The following PLSCR2 variants were observed in gnomAD, a reference collection of about 807,000 sequenced individuals.
The protein encoded by PLSCR2 is phospholipid scramblase 2, also known as PL scramblase 2.
PLSCR2 carries 18 observed loss-of-function variants against 25.3 expected under a neutral mutation model. The observed-to-expected ratio is 0.71, with a 90% CI of 0.49 to 1.06. The LOEUF (loss-of-function observed/expected upper bound fraction) is 1.06, where lower values mean the gene tolerates loss of function less well. Ranked by LOEUF, PLSCR2 falls within the 50% of genes least tolerant of loss-of-function variation. PLSCR2 has a pLI of 0.00. For missense variants in PLSCR2, 243 were observed against 269.5 expected (o/e 0.90, Z 0.69); for synonymous variants, 88 against 87.3 (o/e 1.01, Z -0.04).
At chr3:146,444,945 G>C (rs1171723021) in intron 6 of PLSCR2, among the ~76,000 whole-genome samples, 2 of 151,872 alleles carry the variant, frequency 1.3e-5, no homozygotes, top group Non-Finnish European at 2.9e-5. Flanking sequence ...TTTGATTTAA[G>C]ATTACTCTGA....
intron 1 of PLSCR2, among the ~76,000 whole-genome samples, chr3:146,487,056 G>A (rs1050642998): frequency 1.3e-5 from 2 of 152,012 alleles, no homozygotes; most frequent in Non-Finnish European, 2.9e-5. Context: ...CAGAACTAAT[G>A]ACAAAACCTA....
chr3:146,492,262 G>A (rs1019108802), intron 1 of PLSCR2, among the ~76,000 whole-genome samples: 2 of 152,130 alleles, frequency 1.3e-5, no homozygotes, highest in African/African-American at 2.4e-5. Context: ...GAAAACTAAT[G>A]AAGCTATTCA....
At chr3:146,430,792 C>A (rs374691019), downstream of PLSCR2, among the ~76,000 whole-genome samples, 47 of 151,096 alleles carry the variant, frequency 3.1e-4, no homozygotes, top group East Asian at 6.3e-3. Context: ...CAGGTCCAGG[C>A]AGTCACATCT....
intron 1 of PLSCR2, among the ~76,000 whole-genome samples, chr3:146,486,885 T>A (rs1359666070): frequency 6.6e-6 from 1 of 152,126 alleles, no homozygotes; most frequent in Admixed American, 6.6e-5. Flanking sequence ...CAGGCAAATA[T>A]TCCTGATGAA....
intron 5 of PLSCR2, among the ~76,000 whole-genome samples, chr3:146,451,189 A>G (rs1369863117): frequency 7.5e-6 from 1 of 134,054 alleles, no homozygotes; most frequent in Non-Finnish European, 1.5e-5. Flanking sequence ...ATCTCCGCTC[A>G]CTGCAACCTC....
intron 6 of PLSCR2, among the ~76,000 whole-genome samples, chr3:146,448,833 G>T (rs1426996983): frequency 6.6e-6 from 1 of 152,174 alleles, no homozygotes; most frequent in Non-Finnish European, 1.5e-5. Context: ...CATGTTAGAT[G>T]TTTTAATTTA....
In PLSCR2 at chr3:146,454,704, T is replaced by C. The variant is rs569814440; in HGVS notation, c.321+535A>G. 5.3e-5 allele frequency among the ~76,000 whole-genome samples: 8 copies of C among 152,282 alleles called. 1 individual carries two copies. The Middle Eastern group carries it at 0.017, about 324-fold the overall frequency. ...CAGAGACATCTGGTCTCTACAGATATCCATTTAGGATATCCCTTTTGCAGA... is the reference window on the plus strand; with the variant it reads ...CAGAGACATCTGGTCTCTACAGATACCCATTTAGGATATCCCTTTTGCAGA... On this transcript the variant is annotated intron_variant, in intron 4 of 6. Coordinates refer to ENST00000610787, the Ensembl canonical transcript of PLSCR2.
chr3:146,459,873 G>A lies in PLSCR2; in HGVS notation c.32C>T (p.Pro11Leu), dbSNP rs61743813. ...CTGACTTAAGTATTCCAATCCTGGCGGACAGTTTAATGGTGGTGGTGGTGC... is the reference window on the plus strand; with the variant it reads ...CTGACTTAAGTATTCCAATCCTGGCAGACAGTTTAATGGTGGTGGTGGTGC... The change falls in exon 2 of 7, where the codon CCG becomes CTG. Residue 11 changes from proline (P) to leucine (L), a missense_variant. By Grantham distance (98) the Pro-to-Leu change is moderately conservative. Coordinates refer to ENST00000610787, the Ensembl canonical transcript of PLSCR2. 1.6e-4 allele frequency: 259 copies of A among 1,612,700 alleles called. No individual in the cohort carries two copies. The highest frequency in any genetic ancestry group is 1.3e-4 in the Admixed American group (8 of 59,932).
exon 5 of PLSCR2, chr3:146,454,057 A>G (rs747385327): frequency 5.0e-6 from 8 of 1,610,300 alleles, no homozygotes; most frequent in Non-Finnish European, 6.8e-6. Flanking sequence ...ACTAATTTTT[A>G]GTACATCCTC....
At chr3:146,477,020 T>A (rs928392843) in intron 1 of PLSCR2, among the ~76,000 whole-genome samples, 7 of 152,154 alleles carry the variant, frequency 4.6e-5, no homozygotes, top group Non-Finnish European at 2.9e-5. Flanking sequence ...GGTACTTTGT[T>A]AAGTGGGTCT....
chr3:146,412,710 G>A (rs1485316839), intron 2 of PLSCR2, among the ~76,000 whole-genome samples: 1 of 152,196 alleles, frequency 6.6e-6, no homozygotes, highest in East Asian at 1.9e-4. Flanking sequence ...CAAGGGAGGG[G>A]AAGAGGTTCT....
intron 2 of PLSCR2, among the ~76,000 whole-genome samples, chr3:146,403,647 ACT>A (rs2038554995): frequency 6.6e-6 from 1 of 151,816 alleles, no homozygotes; most frequent in African/African-American, 2.4e-5. Flanking sequence ...TATTTTTATG[ACT>A]CTATGCTATA....
chr3:146,397,676 G>A (rs2038320028), intron 2 of PLSCR2, among the ~76,000 whole-genome samples: 2 of 152,002 alleles, frequency 1.3e-5, no homozygotes, highest in South Asian at 2.1e-4. Context: ...ATTACAACGA[G>A]TAGGATTTGC....
chr3:146,393,048 A>C (rs1284571419), intron 3 of PLSCR2, among the ~76,000 whole-genome samples: 1 of 46,540 alleles, frequency 2.1e-5, no homozygotes, highest in Admixed American at 3.2e-4. Context: ...TTTTTTTTTG[A>C]GACAGAGTCT....
chr3:146,392,991 C>T (rs58445343), intron 3 of PLSCR2, among the ~76,000 whole-genome samples: 73,399 of 144,958 alleles, frequency 0.51, 19,131 homozygotes, highest in South Asian at 0.72. Flanking sequence ...TTTTTTGTTA[C>T]GGCTTTTTAA....
intron 2 of PLSCR2, among the ~76,000 whole-genome samples, chr3:146,409,512 T>C (rs1001969588): frequency 5.3e-5 from 8 of 152,088 alleles, no homozygotes; most frequent in Non-Finnish European, 1.0e-4. Flanking sequence ...CATTGATTAA[T>C]GTAGGGAAAC....
At chr3:146,398,787 C>T (rs2038362919) in intron 2 of PLSCR2, 1 of 152,058 alleles carries the variant, frequency 6.6e-6, no homozygotes, top group Non-Finnish European at 1.5e-5. Context: ...ATAAACATAT[C>T]CAATTGTTTC....
At chr3:146,476,352 C>G (rs968030985) in intron 1 of PLSCR2, among the ~76,000 whole-genome samples, 3 of 152,218 alleles carry the variant, frequency 2.0e-5, no homozygotes, top group African/African-American at 7.2e-5. Context: ...GCTACCCAGC[C>G]TGGGGATCTG....
intron 1 of PLSCR2, among the ~76,000 whole-genome samples, chr3:146,490,023 A>G (rs2043488767): frequency 6.6e-6 from 1 of 152,180 alleles, no homozygotes; most frequent in South Asian, 2.1e-4. Flanking sequence ...CTCAAGTCCA[A>G]AAATCTCATC....
Sources: gnomAD v4.1 joint callset for allele counts (sites outside exome capture counted in the v4.1 genomes callset) on GRCh38, gnomAD v4.1.1 for gene constraint, MANE v1.5 for transcripts, NCBI Gene and HGNC (gene_info 2026-07-23, HGNC 2026-07-21) for gene names.